Variants in SAP30BP observed in about 807,000 individuals in gnomAD.
SAP30BP encodes SAP30-binding protein.
A neutral mutation model predicts 46.3 loss-of-function variants in SAP30BP; 31 were observed. That is an observed-to-expected ratio of 0.67 (90% CI 0.50 to 0.90). The LOEUF is 0.90. SAP30BP is among the 40% of genes least tolerant of loss of function. SAP30BP has a pLI of 0.00. For missense variants in SAP30BP, 312 were observed against 391.0 expected, an observed-to-expected ratio of 0.80 and a Z score of 1.70; for synonymous variants, 169 against 144.2, an observed-to-expected ratio of 1.17 and a Z score of -1.23.
At chr17:75,673,366 A>G (rs2059934752) in intron 3 of SAP30BP, among the ~76,000 whole-genome samples, 1 of 152,248 alleles carries the variant, frequency 6.6e-6, no homozygotes, top group Admixed American at 6.5e-5. Flanking sequence ...GTTCAAAGTC[A>G]GTCACAGCTC....
At position 75,668,530 on chromosome 17, in the gene SAP30BP, T is replaced by C. The variant is rs756840859; in HGVS notation, c.121T>C (p.Leu41=). Residue 41 remains leucine, a synonymous_variant, in exon 2 of 11, where the codon TTG becomes CTG. Transcript: ENST00000584667. The part of the protein sequence containing the change: ...VGSAAEEKGG[L]VSDAYGEDDF... Reference sequence around the variant, plus strand: ...TAACCTTTCAGAGGAGAAAGGCGGATTGGTATCTGATGCCTATGGGGAGGA... The same window carrying C: ...TAACCTTTCAGAGGAGAAAGGCGGACTGGTATCTGATGCCTATGGGGAGGA... 2 of 1,569,828 alleles carry C rather than the reference T, an allele frequency of 1.3e-6. No homozygotes were observed. Among genetic ancestry groups the C allele is most frequent in the Non-Finnish European group, 1.7e-6 (2 of 1,161,446 alleles).
At chr17:75,694,664 C>A (rs754692352) in intron 4 of SAP30BP, among the ~76,000 whole-genome samples, 1 of 152,236 alleles carries the variant, frequency 6.6e-6, no homozygotes, top group Non-Finnish European at 1.5e-5. Flanking sequence ...TGGACGGGAG[C>A]CTTGGCCTCT....
intron 7 of SAP30BP, 165 bp from the exon 8 acceptor site, chr17:75,703,643 A>G (rs1302603783): frequency 1.6e-5 from 11 of 701,838 alleles, no homozygotes; most frequent in Non-Finnish European, 2.3e-5. Flanking sequence ...TCGTGCTCCC[A>G]TGTTCTTCAG....
chr17:75,675,853 G>T (rs2059982184), intron 3 of SAP30BP, among the ~76,000 whole-genome samples: 1 of 152,226 alleles, frequency 6.6e-6, no homozygotes, highest in African/African-American at 2.4e-5. Flanking sequence ...GGAGGTAGAG[G>T]TTGCAGTGAG....
intron 3 of SAP30BP, chr17:75,679,806 A>G (rs2060048564): frequency 6.6e-6 from 1 of 152,116 alleles, no homozygotes; most frequent in South Asian, 2.1e-4. Context: ...GCTGTTCTGG[A>G]AAAAGAGCAG....
At chr17:75,667,522 C>T in intron 1 of SAP30BP, 44 bp downstream of exon 1, 1 of 1,561,860 alleles carries the variant, frequency 6.4e-7, no homozygotes, top group South Asian at 1.1e-5. Context: ...CGGGTGTCTG[C>T]CCGGAATGCT....
chr17:75,699,594 C>G (rs1418886777), intron 4 of SAP30BP, among the ~76,000 whole-genome samples, 189 bp from the exon 5 acceptor site: 1 of 152,146 alleles, frequency 6.6e-6, no homozygotes, highest in Non-Finnish European at 1.5e-5. Context: ...GGCACATGGC[C>G]CACCCCTTCC....
intron 4 of SAP30BP, among the ~76,000 whole-genome samples, chr17:75,697,831 C>A (rs1484198554): frequency 6.6e-6 from 1 of 152,216 alleles, no homozygotes; most frequent in Non-Finnish European, 1.5e-5. Flanking sequence ...AAACTCCAGG[C>A]AGAGATCAAA....
intron 1 of SAP30BP, 74 bp from the exon 2 acceptor site, chr17:75,668,442 A>G: frequency 2.2e-6 from 2 of 928,360 alleles, no homozygotes; most frequent in South Asian, 1.7e-5. Context: ...ATCTCTGGAC[A>G]TTTTTTCTTA....
chr17:75,706,550 G>T lies in SAP30BP; in HGVS notation c.*29G>T, dbSNP rs1255842294. ...GAGGGGCCACCCTAGGACTTGAAAG[G>T]ACCGTGCAGCCCAGTGACCACTGCC... On this transcript the variant is annotated 3_prime_UTR_variant, in exon 11 of 11. Transcript: ENST00000584667. The surrounding 1 kb of genome is among the most constrained non-coding windows in gnomAD (Gnocchi z 4.6). The T allele has an allele frequency of 6.2e-7, 1 of 1,607,404 alleles. No homozygotes were observed. The highest frequency in any genetic ancestry group is 8.5e-7 in the Non-Finnish European group (1 of 1,174,778).
At chr17:75,674,671 A>C (rs993143234) in intron 3 of SAP30BP, among the ~76,000 whole-genome samples, 5 of 138,058 alleles carry the variant, frequency 3.6e-5, no homozygotes, top group African/African-American at 1.4e-4. Flanking sequence ...TGCTTTAAGC[A>C]TATGAAGTTT....
chr17:75,705,922 T>G, intron 9 of SAP30BP, 86 bp from the exon 10 acceptor site: 2 of 1,577,884 alleles, frequency 1.3e-6, no homozygotes, highest in South Asian at 1.1e-5. Flanking sequence ...AGTGCCAAGC[T>G]CCTGTCCCCC....
At chr17:75,678,238 T>C (rs552037570) in intron 3 of SAP30BP, among the ~76,000 whole-genome samples, 1 of 152,238 alleles carries the variant, frequency 6.6e-6, no homozygotes, top group Admixed American at 6.5e-5. Flanking sequence ...CAGTTGTCCC[T>C]CACTATCTGT....
At chr17:75,668,677 A>G in intron 2 of SAP30BP, 52 bp downstream of exon 2, 1 of 1,262,636 alleles carries the variant, frequency 7.9e-7, no homozygotes, top group Non-Finnish European at 1.1e-6. Flanking sequence ...TTCATTTGTC[A>G]GATTTTGGAA....
Position 75,668,551 on chromosome 17 carries a change from G to T in SAP30BP, c.142G>T (p.Glu48Ter). 6.2e-7 allele frequency: 1 copy of T among 1,603,814 alleles called. No homozygotes were observed. ...CGGATTGGTATCTGATGCCTATGGG[G>T]AGGATGACTTTTCTCGTCTAGGGGG... ...KGGLVSDAYG[E>*]DDFSRLGGDE... Residue 48 changes from glutamate to a stop codon, truncating the protein, a stop_gained, in exon 2 of 11, where the codon GAG becomes TAG. Transcript: ENST00000584667. LOFTEE classifies it high-confidence loss of function.
chr17:75,669,100 G>A (rs372576972), intron 2 of SAP30BP, among the ~76,000 whole-genome samples: 2 of 150,994 alleles, frequency 1.3e-5, no homozygotes, highest in Non-Finnish European at 1.5e-5. Context: ...TTGAGATAGG[G>A]TCTCACTCTG....
In SAP30BP at chr17:75,674,690, G is replaced by GTTTTTTTTTTTTTTTTTTTTTTTTTTT. The variant is rs1287087489; in HGVS notation, c.264+2833_264+2834insTTTTTTTTTTTTTTTTTTTTTTTTTTT. Among the ~76,000 whole-genome samples, 7 of 39,578 alleles carry GTTTTTTTTTTTTTTTTTTTTTTTTTTT rather than the reference G, an allele frequency of 1.8e-4. 1 individual carries two copies. The highest frequency in any genetic ancestry group is 3.3e-4 in the African/African-American group (5 of 15,098). 26.0% of individuals were successfully genotyped at this position (39,578 alleles called of 152,430 possible). ...TTAAGCATATGAAGTTTTTTTGTTT[G>GTTTTTTTTTTTTTTTTTTTTTTTTTTT]TTTTTTGTTTTTTTTTTTTTTTTTT... On this transcript the variant is annotated intron_variant, in intron 3 of 10. Transcript: ENST00000584667.
At position 75,703,292 on chromosome 17, in the gene SAP30BP, G is replaced by A. The variant is rs369701017; in HGVS notation, c.489-19G>A. ...GGACGTGGACTTGTGCCTGCTCAGC[G>A]CCGGCACTGTTCTTTCAGCATCTAC... On this transcript the variant is annotated intron_variant, in intron 6 of 10. Transcript: ENST00000584667. 3.2e-5 allele frequency: 51 copies of A among 1,613,572 alleles called. No homozygotes were observed. Among genetic ancestry groups the A allele is most frequent in the East Asian group, 6.7e-5 (3 of 44,884 alleles).
At chr17:75,682,573 T>C (rs1197498376) in intron 3 of SAP30BP, among the ~76,000 whole-genome samples, 1 of 152,228 alleles carries the variant, frequency 6.6e-6, no homozygotes, top group Non-Finnish European at 1.5e-5. Flanking sequence ...CAGCTTTGTC[T>C]CTATCTATAT....
Sources: gnomAD v4.1 joint callset for allele counts (sites outside exome capture counted in the v4.1 genomes callset) on GRCh38, gnomAD v4.1.1 for gene constraint, Gnocchi (gnomAD v3.1) non-coding constraint, MANE v1.5 for transcripts, NCBI Gene and HGNC (gene_info 2026-07-23, HGNC 2026-07-21) for gene names.